The following B3GAT1 variants were observed in gnomAD, a reference collection of about 807,000 sequenced individuals.
The protein encoded by B3GAT1 is beta-1,3-glucuronyltransferase 1.
A neutral mutation model predicts 28.4 loss-of-function variants in B3GAT1; 11 were observed. That is an observed-to-expected ratio of 0.39 (90% CI 0.24 to 0.64). The LOEUF (loss-of-function observed/expected upper bound fraction) is 0.64, where lower values mean the gene tolerates loss of function less well. Ranked by LOEUF, B3GAT1 falls within the 30% of genes least tolerant of loss-of-function variation. The probability of loss-of-function intolerance (pLI) is 0.50; values close to 1 mark genes in which losing one functional copy is unlikely to be tolerated. For missense variants in B3GAT1, 375 were observed against 491.0 expected (o/e 0.76, Z 2.23); for synonymous variants, 255 against 223.1 (o/e 1.14, Z -1.27).
chr11:134,392,100 C>G (rs145910404), intron 1 of B3GAT1: 2 of 152,200 alleles, frequency 1.3e-5, no homozygotes, highest in African/African-American at 4.8e-5. Context: ...TAGGGCTCTG[C>G]GAAGATGAAG....
intron 1 of B3GAT1, among the ~76,000 whole-genome samples, chr11:134,401,969 G>C (rs1350755805): frequency 8.7e-6 from 1 of 115,508 alleles, no homozygotes; most frequent in Non-Finnish European, 1.9e-5. Context: ...GTGGCCTGGG[G>C]CGGGGGGGGG....
chr11:134,397,228 G>A (rs1944522398), intron 1 of B3GAT1, among the ~76,000 whole-genome samples: 1 of 152,050 alleles, frequency 6.6e-6, no homozygotes, highest in South Asian at 2.1e-4. Context: ...TCTCTCTGAC[G>A]CCTGCCTTTC....
In B3GAT1 at chr11:134,383,157, A is replaced by C. The variant is rs1452723873; in HGVS notation, c.622-151T>G. ...GGGTGTCCAGTACAGCCCTGCCCCC[A>C]GGACCCATCCCATGGGTTGGGCACC... On this transcript the variant is annotated intron_variant, in intron 3 of 5. Transcript: ENST00000312527. 4 of 886,698 alleles carry C rather than the reference A, an allele frequency of 4.5e-6. No individual in the cohort carries two copies. The East Asian group carries it at 1.1e-4, about 24-fold the overall frequency. The allele number at this position is 886,698 out of a possible 1,614,324, so 54.9% of individuals were successfully genotyped here. A position where few individuals can be genotyped will look rare whatever the true frequency, so the allele number is the denominator to read the frequency against.
rs374486143 is a variant in B3GAT1 at position 134,379,510 on chromosome 11, G to A, written c.*1252C>T. 927 of 152,616 alleles carry A rather than the reference G, an allele frequency of 6.1e-3. 6 individuals are homozygous for A. Among genetic ancestry groups the A allele is most frequent in the South Asian group, 0.026 (125 of 4,824 alleles). The allele number at this position is 152,616 out of a possible 1,614,324, so 9.5% of individuals were successfully genotyped here. ...TTTGAGGCACACTGTTCTTTCTCCA[G>A]GATGGAAAGTGGACAGCTGGACATG... On this transcript the variant is annotated 3_prime_UTR_variant, in exon 6 of 6. Coordinates refer to ENST00000312527, the MANE Select transcript of B3GAT1 (RefSeq NM_054025.3).
intron 2 of B3GAT1, chr11:134,384,513 G>C (rs1041653776): frequency 2.6e-6 from 1 of 380,054 alleles, no homozygotes; most frequent in Non-Finnish European, 4.7e-6. Context: ...ATGAAAAGGC[G>C]TCCCGACCCT....
intron 1 of B3GAT1, among the ~76,000 whole-genome samples, chr11:134,398,622 T>C (rs534740358): frequency 2.0e-5 from 3 of 150,746 alleles, no homozygotes; most frequent in Admixed American, 6.6e-5. Context: ...CAGGTCCAGA[T>C]AGAAAGCAGC....
intron 2 of B3GAT1, chr11:134,385,337 G>C (rs923195866): frequency 2.6e-5 from 4 of 152,356 alleles, no homozygotes; most frequent in Admixed American, 6.5e-5. Context: ...ACTGTCATCG[G>C]CAGCATGTGG....
At chr11:134,398,695 C>T (rs1162005674) in intron 1 of B3GAT1, among the ~76,000 whole-genome samples, 3 of 152,234 alleles carry the variant, frequency 2.0e-5, no homozygotes, top group African/African-American at 7.2e-5. Context: ...GCCTCTGTCC[C>T]ACCTCTCCTG....
rs1026822894 is a variant in B3GAT1 at position 134,411,244 on chromosome 11, C to T, written c.-282+563G>A. Among the ~76,000 whole-genome samples, 4 of 152,174 alleles carry T rather than the reference C, an allele frequency of 2.6e-5. No individual in the cohort carries two copies. The highest frequency in any genetic ancestry group is 5.9e-5 in the Non-Finnish European group (4 of 68,036). On this transcript the variant is annotated intron_variant, in intron 1 of 5. Transcript: ENST00000312527. This position sits in a 1 kb window ranked among gnomAD's most constrained non-coding sequence, Gnocchi z 6.0. Reference sequence around the variant, plus strand: ...CAGGTGCAGATGGGAGGGTGGTGAACTGGTCGCGCCTCCTTCCTCCTTGCT... The same window carrying T: ...CAGGTGCAGATGGGAGGGTGGTGAATTGGTCGCGCCTCCTTCCTCCTTGCT...
rs145889641 is a variant in B3GAT1, at chr11:134,395,655, A to G, written c.-281-7715T>C. 6.2e-3 allele frequency among the ~76,000 whole-genome samples: 937 copies of G among 151,044 alleles called. 4 individuals are homozygous for G. The highest frequency in any genetic ancestry group is 9.9e-3 in the Non-Finnish European group (669 of 67,780). ...GGTATTGAAAGGTCCTCGCTCCCCA[A>G]CCTCCTTTGCCCTCCTTCCTTGCTA... On this transcript the variant is annotated intron_variant, in intron 1 of 5. Coordinates refer to ENST00000312527, the MANE Select transcript of B3GAT1 (RefSeq NM_054025.3).
rs370232729 is a variant in B3GAT1 at position 134,383,933 on chromosome 11, G to C, written c.368C>G (p.Ala123Gly). 3 of 1,596,058 alleles carry C rather than the reference G, an allele frequency of 1.9e-6. No individual in the cohort carries two copies. The highest frequency in any genetic ancestry group is 3.4e-5 in the Admixed American group (2 of 59,408). The change falls in exon 3 of 6, where the codon GCG becomes GGG. Residue 123 changes from alanine (A) to glycine (G), a missense_variant. Transcript: ENST00000312527. ...PNLHWLVVED[A>G]PRRTPLTARL... ...CGCGGTCAGCGGCGTCCGGCGCGGC[G>C]CATCCTCCACCACCAGCCAGTGGAG...
chr11:134,384,383 T>G (rs998680354), intron 2 of B3GAT1, 195 bp from the exon 3 acceptor site: 1 of 675,952 alleles, frequency 1.5e-6, no homozygotes, highest in Non-Finnish European at 2.4e-6. Context: ...GGGAGGGTCC[T>G]AGCTCTGATG....
intron 1 of B3GAT1, chr11:134,389,045 T>C (rs929990484): frequency 6.6e-6 from 1 of 152,270 alleles, no homozygotes; most frequent in African/African-American, 2.4e-5. Context: ...CTTTCCATAG[T>C]GGCTGAACTA....
In B3GAT1 at chr11:134,393,650, A is replaced by G. The variant is rs1292561120; in HGVS notation, c.-281-5710T>C. 6.6e-6 allele frequency among the ~76,000 whole-genome samples: 1 copy of G among 152,220 alleles called. No homozygotes were observed. The highest frequency in any genetic ancestry group is 1.5e-5 in the Non-Finnish European group (1 of 68,034). ...ACGCTATTTCAACAGTTTACATGAC[A>G]TTCTGTGATGACAGTAGCAAGCGAG... is the stretch of plus-strand genomic sequence containing the variant. On this transcript the variant is annotated intron_variant, in intron 1 of 5. Coordinates refer to ENST00000312527, the MANE Select transcript of B3GAT1 (RefSeq NM_054025.3). The surrounding 1 kb of genome is among the most constrained non-coding windows in gnomAD (Gnocchi z 4.0).
intron 2 of B3GAT1, 145 bp from the exon 3 acceptor site, chr11:134,384,333 T>C: frequency 9.0e-7 from 1 of 1,108,222 alleles, no homozygotes; most frequent in Non-Finnish European, 1.2e-6. Context: ...CCTGACCTGT[T>C]AGCTCTAAGG....
intron 4 of B3GAT1, 21 bp from the exon 5 acceptor site, chr11:134,382,045 A>G: frequency 6.2e-7 from 1 of 1,612,220 alleles, no homozygotes. Context: ...AGAGATGCAA[A>G]ACATGGTGGG....
chr11:134,384,230 G>C (rs1208352742), intron 2 of B3GAT1, 42 bp from the exon 3 acceptor site: 1 of 1,510,110 alleles, frequency 6.6e-7, no homozygotes, highest in Non-Finnish European at 8.8e-7. Context: ...GAGAGCGCCG[G>C]CTACGGCCCT....
In B3GAT1 at chr11:134,381,904, C is replaced by A; in HGVS notation, c.*14+20G>T. 1.3e-6 allele frequency: 2 copies of A among 1,595,624 alleles called. No homozygotes were observed. The highest frequency in any genetic ancestry group is 1.7e-6 in the Non-Finnish European group (2 of 1,163,652). The stretch of plus-strand genomic sequence containing the variant: ...GTGCCGCCCTGCCCAGTGTGTGGCC[C>A]ACCCTCGTCATGCCCATACCTGCAT... On this transcript the variant is annotated intron_variant, in intron 5 of 5. Coordinates refer to ENST00000312527, the MANE Select transcript of B3GAT1 (RefSeq NM_054025.3).
chr11:134,384,170 C>CG lies in B3GAT1; in HGVS notation c.130dup (p.Arg44ProfsTer17). On this transcript the variant is annotated frameshift_variant, in exon 3 of 6. Coordinates refer to ENST00000312527, the MANE Select transcript of B3GAT1 (RefSeq NM_054025.3). LOFTEE classifies it high-confidence loss of function. ...GTCGGCGCCGGGCGGCGTTTCGCGTCGGGGGTCACTGCCCTCATCTGCGGA... is the reference window on the plus strand; with the variant it reads ...GTCGGCGCCGGGCGGCGTTTCGCGTCGGGGGGTCACTGCCCTCATCTGCGGA... 2 of 1,546,880 alleles carry CG rather than the reference C, an allele frequency of 1.3e-6. No individual in the cohort carries two copies. Among genetic ancestry groups the CG allele is most frequent in the Non-Finnish European group, 1.7e-6 (2 of 1,147,028 alleles).
Sources: gnomAD v4.1 joint callset for allele counts (sites outside exome capture counted in the v4.1 genomes callset) on GRCh38, gnomAD v4.1.1 for gene constraint, Gnocchi (gnomAD v3.1) non-coding constraint, MANE v1.5 for transcripts, NCBI Gene and HGNC (gene_info 2026-07-23, HGNC 2026-07-21) for gene names.